The following ACACA variants were observed in gnomAD, a reference collection of about 807,000 sequenced individuals.
The protein encoded by ACACA is acetyl-CoA carboxylase alpha.
ACACA carries 103 observed loss-of-function variants against 296.1 expected under a neutral mutation model. The observed-to-expected ratio is 0.35, with a 90% confidence interval of 0.30 to 0.41. The LOEUF (loss-of-function observed/expected upper bound fraction) is 0.41. Ranked by LOEUF, ACACA falls within the 10% of genes least tolerant of loss-of-function variation. The pLI, the probability that ACACA is intolerant of heterozygous loss-of-function variation, is 1.00. For missense variants in ACACA, 1,554 were observed against 2,989.7 expected, an observed-to-expected ratio of 0.52 and a Z score of 11.20; for synonymous variants, 953 against 1,038.6, an observed-to-expected ratio of 0.92 and a Z score of 1.58.
intron 52 of ACACA, among the ~76,000 whole-genome samples, chr17:37,100,541 C>G (rs1472618199): frequency 6.8e-6 from 1 of 146,530 alleles, no homozygotes; most frequent in Admixed American, 6.9e-5. Flanking sequence ...AAACAAAGGT[C>G]AAAGAATCAG....
intron 54 of ACACA, among the ~76,000 whole-genome samples, chr17:37,094,749 G>A (rs972995221): frequency 7.9e-5 from 12 of 152,204 alleles, no homozygotes; most frequent in African/African-American, 2.4e-4. Context: ...AGGTTTCAAA[G>A]CCACATGCCC....
chr17:37,266,296 C>A (rs990809380), intron 10 of ACACA, among the ~76,000 whole-genome samples: 2 of 151,958 alleles, frequency 1.3e-5, no homozygotes, highest in African/African-American at 4.8e-5. Flanking sequence ...CACCTGTAAT[C>A]CCAACTACTC....
chr17:37,206,661 A>G, intron 32 of ACACA, 122 bp downstream of exon 32: 1 of 787,730 alleles, frequency 1.3e-6, no homozygotes, highest in Non-Finnish European at 2.1e-6. Flanking sequence ...AAAATTAAAT[A>G]CTATAAAGTG....
intron 36 of ACACA, 92 bp downstream of exon 36, chr17:37,193,282 G>A: frequency 1.0e-6 from 1 of 953,288 alleles, no homozygotes; most frequent in South Asian, 1.5e-5. Flanking sequence ...AAAAAAGAAT[G>A]GCAAGAAGAA....
chr17:37,191,323 A>G (rs1281320761), intron 37 of ACACA, 48 bp from the exon 38 acceptor site: 1 of 1,554,892 alleles, frequency 6.4e-7, no homozygotes. Context: ...AAAAGAGGCA[A>G]TAAAGAAATG....
At chr17:37,174,006 ATATATATATATATATTTTTTT>A (rs1482268334) in intron 41 of ACACA, among the ~76,000 whole-genome samples, 4 of 12,250 alleles carry the variant, frequency 3.3e-4, no homozygotes, top group Non-Finnish European at 5.4e-4. Flanking sequence ...ATATATATAT[ATATATATATATATATTTTTTT>A]TTTTTTTTTT....
chr17:37,317,997 A>C (rs1018796977), intron 3 of ACACA, among the ~76,000 whole-genome samples: 2 of 152,192 alleles, frequency 1.3e-5, no homozygotes, highest in Non-Finnish European at 2.9e-5. Flanking sequence ...GAACCTCAGA[A>C]TATCAAGGAA....
At chr17:37,268,452 T>G (rs1386417038) in intron 10 of ACACA, among the ~76,000 whole-genome samples, 1 of 152,082 alleles carries the variant, frequency 6.6e-6, no homozygotes, top group Non-Finnish European at 1.5e-5. Context: ...CATGATGTAG[T>G]CAGTCCTTAA....
chr17:37,363,301 G>C (rs1178428609), intron 1 of ACACA, among the ~76,000 whole-genome samples: 5 of 144,136 alleles, frequency 3.5e-5, no homozygotes, highest in African/African-American at 1.3e-4. Context: ...TTCTGCCTCA[G>C]CCTCTCAAGT....
At chr17:37,390,546 G>A (rs182662938) in intron 1 of ACACA, among the ~76,000 whole-genome samples, 1 of 149,168 alleles carries the variant, frequency 6.7e-6, no homozygotes, top group African/African-American at 2.5e-5. Flanking sequence ...AGAATTGCTT[G>A]AACCCAGGAG....
chr17:37,365,804 TC>T, intron 1 of ACACA: 1 of 895,308 alleles, frequency 1.1e-6, no homozygotes, highest in Non-Finnish European at 1.3e-6. Context: ...TAGTAGAGAC[TC>T]CCCACGATGT....
intron 29 of ACACA, among the ~76,000 whole-genome samples, chr17:37,215,033 C>G (rs2078921313): frequency 6.6e-6 from 1 of 152,192 alleles, no homozygotes; most frequent in Non-Finnish European, 1.5e-5. Context: ...AGTCCAGAGG[C>G]CGCCCACTGA....
intron 3 of ACACA, among the ~76,000 whole-genome samples, chr17:37,324,573 G>A (rs1598490202): frequency 6.6e-6 from 1 of 151,682 alleles, no homozygotes. Context: ...GGGAGGCTGA[G>A]GCAGGAGAAT....
At chr17:37,149,684 G>C (rs904316880) in intron 45 of ACACA, among the ~76,000 whole-genome samples, 180 bp downstream of exon 45, 1 of 152,150 alleles carries the variant, frequency 6.6e-6, no homozygotes, top group African/African-American at 2.4e-5. Context: ...ATGAATGAAT[G>C]AATGAATGAA....
At chr17:37,173,999 TATATATATATATATATA>T (rs2076993395) in intron 41 of ACACA, among the ~76,000 whole-genome samples, 6 of 10,612 alleles carry the variant, frequency 5.7e-4, no homozygotes, top group African/African-American at 3.7e-3. Context: ...TATATATATA[TATATATATATATATATA>T]TATATTTTTT....
At chr17:37,152,775 G>C (rs904948928) in intron 43 of ACACA, among the ~76,000 whole-genome samples, 1 of 152,196 alleles carries the variant, frequency 6.6e-6, no homozygotes, top group Non-Finnish European at 1.5e-5. Context: ...AGAAGGCTTG[G>C]CAGTGGGCAC....
chr17:37,249,476 G>C (rs2080876513), intron 16 of ACACA, among the ~76,000 whole-genome samples: 1 of 152,068 alleles, frequency 6.6e-6, no homozygotes, highest in Non-Finnish European at 1.5e-5. Flanking sequence ...CCCATCAAGA[G>C]TGCACAAGTG....
intron 1 of ACACA, among the ~76,000 whole-genome samples, chr17:37,370,114 C>T (rs1245566752): frequency 6.6e-6 from 1 of 150,942 alleles, no homozygotes; most frequent in African/African-American, 2.4e-5. Context: ...TCAAGCGATT[C>T]TCCTGCCTCA....
intron 7 of ACACA, 119 bp downstream of exon 7, chr17:37,276,913 GA>G (rs112969915): frequency 1.7e-4 from 145 of 862,898 alleles, no homozygotes; most frequent in Admixed American, 2.9e-4. Flanking sequence ...TAGATTGAGG[GA>G]AAAAAAAAGA....
Sources: allele counts gnomAD v4.1 joint callset (sites outside exome capture counted in the v4.1 genomes callset), GRCh38; gene constraint gnomAD v4.1.1; transcripts MANE v1.5; gene names NCBI Gene and HGNC (gene_info 2026-07-23, HGNC 2026-07-21).